GRIK2: variants seen among roughly 807,000 people sequenced by gnomAD.
GRIK2 encodes the protein glutamate receptor ionotropic, kainate 2.
A neutral mutation model predicts 100.3 loss-of-function variants in GRIK2; 32 were observed. That is an observed-to-expected ratio of 0.32 (90% CI 0.24 to 0.43). The LOEUF is 0.43. Ranked by LOEUF, GRIK2 falls within the 20% of genes least tolerant of loss-of-function variation. GRIK2 has a pLI of 1.00. For synonymous variants in GRIK2, 417 were observed against 389.4 expected (o/e 1.07, Z -0.83); for missense variants, 843 against 1,114.9 (o/e 0.76, Z 3.47).
chr6:101,862,910 A>C (rs1486981036), intron 11 of GRIK2, among the ~76,000 whole-genome samples: 1 of 152,028 alleles, frequency 6.6e-6, no homozygotes, highest in African/African-American at 2.4e-5. Flanking sequence ...TCATCTTTTG[A>C]GTTTTTATGA....
chr6:101,441,963 C>CAA (rs138479627), intron 2 of GRIK2, among the ~76,000 whole-genome samples: 1 of 138,660 alleles, frequency 7.2e-6, no homozygotes, highest in East Asian at 2.2e-4. Context: ...TTGGGAGATA[C>CAA]AAAAAAAAAA....
intron 8 of GRIK2, among the ~76,000 whole-genome samples, chr6:101,801,520 A>T (rs1780668808): frequency 6.6e-6 from 1 of 151,922 alleles, no homozygotes; most frequent in South Asian, 2.1e-4. Context: ...CCCTTAATCT[A>T]CTGATATTTA....
At position 101,764,729 on chromosome 6, in the gene GRIK2, GA is replaced by G. The variant is rs1777937751; in HGVS notation, c.952-34917del. Among the ~76,000 whole-genome samples the G allele has an allele frequency of 2.0e-5, 3 of 152,110 alleles. No homozygotes were observed. In the South Asian group the frequency reaches 6.2e-4, roughly 32 times the overall value. On this transcript the variant is annotated intron_variant, in intron 7 of 16. Coordinates refer to ENST00000369134, the MANE Select transcript of GRIK2 (RefSeq NM_021956.5). ...TAGGATTATTTTTAATGAGTTTCCTGAAGGATCTCCTGCCTCTAGTATTATA... is the reference window on the plus strand; with the variant it reads ...TAGGATTATTTTTAATGAGTTTCCTGAGGATCTCCTGCCTCTAGTATTATA...
intron 11 of GRIK2, among the ~76,000 whole-genome samples, chr6:101,868,579 T>C (rs1785195844): frequency 6.6e-6 from 1 of 151,454 alleles, no homozygotes; most frequent in Admixed American, 6.6e-5. Context: ...AAAAAGTGGC[T>C]TTTTTAAAGG....
chr6:101,406,977 C>T (rs1320588417), intron 2 of GRIK2, among the ~76,000 whole-genome samples: 2 of 152,100 alleles, frequency 1.3e-5, no homozygotes, highest in Non-Finnish European at 2.9e-5. Flanking sequence ...CTCTAGCTCT[C>T]ATTTGTGTCT....
At chr6:101,675,005 A>G (rs1770721999) in intron 4 of GRIK2, among the ~76,000 whole-genome samples, 1 of 152,168 alleles carries the variant, frequency 6.6e-6, no homozygotes, top group East Asian at 1.9e-4. Context: ...TACCTTGAAC[A>G]TTTATCATTT....
At chr6:101,867,627 A>T (rs1785133439) in intron 11 of GRIK2, among the ~76,000 whole-genome samples, 1 of 151,888 alleles carries the variant, frequency 6.6e-6, no homozygotes, top group African/African-American at 2.4e-5. Context: ...CAGTAATAAT[A>T]GTTCTCAAAT....
chr6:101,846,089 T>C (rs1420896677), intron 10 of GRIK2, among the ~76,000 whole-genome samples: 1 of 152,076 alleles, frequency 6.6e-6, no homozygotes, highest in Non-Finnish European at 1.5e-5. Flanking sequence ...ATTCACAATA[T>C]TTTCTCCCAT....
At chr6:101,670,691 G>A (rs1436220015) in intron 4 of GRIK2, among the ~76,000 whole-genome samples, 2 of 152,026 alleles carry the variant, frequency 1.3e-5, no homozygotes, top group Admixed American at 6.5e-5. Flanking sequence ...TAATTCTAAT[G>A]TTAGGTTTTC....
intron 2 of GRIK2, among the ~76,000 whole-genome samples, chr6:101,477,892 G>A (rs1772326036): frequency 6.6e-6 from 1 of 152,082 alleles, no homozygotes; most frequent in Non-Finnish European, 1.5e-5. Flanking sequence ...AAATCTGTCA[G>A]TATGTCCTGC....
intron 12 of GRIK2, among the ~76,000 whole-genome samples, chr6:101,906,087 C>A (rs746459243): frequency 6.6e-6 from 1 of 151,490 alleles, no homozygotes; most frequent in Non-Finnish European, 1.5e-5. Context: ...AATATTGTTT[C>A]AAAAATTCCA....
At chr6:101,424,168 T>A (rs1025239576) in intron 2 of GRIK2, among the ~76,000 whole-genome samples, 288 of 151,370 alleles carry the variant, frequency 1.9e-3, no homozygotes, top group African/African-American at 6.8e-3. Flanking sequence ...TCAGAATTTT[T>A]TTTATTTTTT....
intron 14 of GRIK2, among the ~76,000 whole-genome samples, chr6:102,006,392 T>TATATATATA (rs1562105606): frequency 1.8e-4 from 17 of 96,436 alleles, no homozygotes; most frequent in East Asian, 1.2e-3. Context: ...ATATATATAT[T>TATATATATA]TTTTTTTTTT....
At chr6:101,683,660 G>C (rs972183790) in intron 6 of GRIK2, among the ~76,000 whole-genome samples, 1 of 152,060 alleles carries the variant, frequency 6.6e-6, no homozygotes, top group Non-Finnish European at 1.5e-5. Context: ...TTTGTATTTA[G>C]AGCCTCAGTT....
In GRIK2 at chr6:101,525,556, C is replaced by G. The variant is rs540802891; in HGVS notation, c.116-96393C>G. The stretch of plus-strand genomic sequence containing the variant: ...ATATAGGATCTTAGTTAACAATTCT[C>G]TCCTTATTTTCAAACACCTGATACA... On this transcript the variant is annotated intron_variant, in intron 2 of 16. Transcript: ENST00000369134. Among the ~76,000 whole-genome samples the G allele has an allele frequency of 7.9e-4, 120 of 152,268 alleles. No individual in the cohort carries two copies. In the Middle Eastern group the frequency reaches 0.014, roughly 17 times the overall value.
intron 2 of GRIK2, among the ~76,000 whole-genome samples, chr6:101,501,728 A>G (rs1773753403): frequency 6.6e-6 from 1 of 152,134 alleles, no homozygotes; most frequent in African/African-American, 2.4e-5. Flanking sequence ...CTATGTGACC[A>G]TGGGAAAGTT....
rs573163069 is a variant in GRIK2, at chr6:101,596,783, A to G, written c.116-25166A>G. 2.0e-5 allele frequency among the ~76,000 whole-genome samples: 3 copies of G among 151,910 alleles called. No individual in the cohort carries two copies. In the East Asian group the frequency reaches 5.9e-4, roughly 30 times the overall value. ...GAGTACTTTTCTTCAATAAAAATGC[A>G]GTGATCCCTGGAGCAGTATAGCCAA... is the stretch of plus-strand genomic sequence containing the variant. On this transcript the variant is annotated intron_variant, in intron 2 of 16. Transcript: ENST00000369134.
intron 4 of GRIK2, among the ~76,000 whole-genome samples, chr6:101,675,803 T>A (rs1265779850): frequency 6.6e-6 from 1 of 152,190 alleles, no homozygotes; most frequent in Non-Finnish European, 1.5e-5. Context: ...TTAATGTTGT[T>A]AACTAGAAAA....
At chr6:101,853,315 G>A (rs1174198154) in intron 10 of GRIK2, among the ~76,000 whole-genome samples, 2 of 152,162 alleles carry the variant, frequency 1.3e-5, no homozygotes, top group Non-Finnish European at 2.9e-5. Flanking sequence ...CAATAAGACT[G>A]CATTGAAACA....
Sources: gnomAD v4.1 joint callset for allele counts (sites outside exome capture counted in the v4.1 genomes callset) on GRCh38, gnomAD v4.1.1 for gene constraint, MANE v1.5 for transcripts, NCBI Gene and HGNC (gene_info 2026-07-23, HGNC 2026-07-21) for gene names.